DCT: variants seen among roughly 807,000 people sequenced by gnomAD.
DCT encodes dopachrome tautomerase.
Under a neutral mutation model 53.0 loss-of-function variants are expected in DCT, and 47 were observed. The ratio of observed to expected loss-of-function variants is 0.89; its 90% CI spans 0.70 to 1.13. The LOEUF (loss-of-function observed/expected upper bound fraction) is 1.13. Ranked by LOEUF, DCT falls within the 50% of genes most tolerant of loss-of-function variation. The pLI, the probability that DCT is intolerant of heterozygous loss-of-function variation, is 0.00. For synonymous variants in DCT, 244 were observed against 237.0 expected (o/e 1.03, Z -0.27); for missense variants, 669 against 637.4 (o/e 1.05, Z -0.53).
At chr13:94,463,773 CCAGTATGTGAGAATATAATCAG>C (rs1214021335) in intron 4 of DCT, among the ~76,000 whole-genome samples, 1 of 151,964 alleles carries the variant, frequency 6.6e-6, no homozygotes, top group Non-Finnish European at 1.5e-5. Flanking sequence ...GGGATAGGAC[CCAGTATGTGAGAATATAATCAG>C]CACATCCACA....
the DCT span, among the ~76,000 whole-genome samples, chr13:94,508,588 A>T: frequency 6.6e-6 from 1 of 152,188 alleles, no homozygotes; most frequent in South Asian, 2.1e-4. Context: ...ATGTGTTTCA[A>T]ATTAGAGAAG....
chr13:94,455,381 T>TAGAGAGAGAGAG (rs56301019), intron 6 of DCT, among the ~76,000 whole-genome samples: 9,884 of 141,590 alleles, frequency 0.07, 457 homozygotes, highest in African/African-American at 0.12. Context: ...GACTGTCTCT[T>TAGAGAGAGAGAG]AGAGAGAGAG....
the DCT span, among the ~76,000 whole-genome samples, chr13:94,485,472 A>G: frequency 2.5e-3 from 387 of 152,314 alleles, 4 homozygotes; most frequent in African/African-American, 8.8e-3. Context: ...CCTGGTCTTA[A>G]AAGAAAAGCC....
chr13:94,460,369 T>C (rs1883704195), intron 5 of DCT, 143 bp from the exon 6 acceptor site: 2 of 707,652 alleles, frequency 2.8e-6, no homozygotes, highest in South Asian at 4.0e-5. Context: ...TGACCAAGAA[T>C]TTGCCCCAAA....
At chr13:94,494,375 A>G in the DCT span, among the ~76,000 whole-genome samples, 88 of 152,256 alleles carry the variant, frequency 5.8e-4, no homozygotes, top group African/African-American at 2.0e-3. Flanking sequence ...TTTAGGTGTA[A>G]TCAGCCTCAC....
At chr13:94,505,315 C>G in the DCT span, among the ~76,000 whole-genome samples, 3 of 151,940 alleles carry the variant, frequency 2.0e-5, no homozygotes, top group Non-Finnish European at 4.4e-5. Context: ...TCTCTTTCAG[C>G]TTCAAAAATT....
intron 6 of DCT, chr13:94,445,706 G>A (rs1005361244): frequency 1.3e-6 from 2 of 1,573,176 alleles, no homozygotes; most frequent in South Asian, 2.3e-5. Context: ...GAGCCTCCCA[G>A]GCTCATGGTT....
At chr13:94,533,605 T>A in the DCT span, among the ~76,000 whole-genome samples, 4 of 152,108 alleles carry the variant, frequency 2.6e-5, no homozygotes, top group Admixed American at 2.6e-4. Context: ...GCCAACATAG[T>A]GAAACCCTGT....
the DCT span, among the ~76,000 whole-genome samples, chr13:94,518,703 G>T: frequency 1.3e-5 from 2 of 152,038 alleles, no homozygotes; most frequent in East Asian, 3.9e-4. Context: ...TCCTCCTGTT[G>T]GTTCATTTGT....
At position 94,460,376 on chromosome 13, in the gene DCT, C is replaced by T. The variant is rs1883704381; in HGVS notation, c.1044-150G>A. On this transcript the variant is annotated intron_variant, in intron 5 of 7. Coordinates refer to ENST00000377028, the MANE Select transcript of DCT (RefSeq NM_001922.5). ...TAGCAAATTGACCAAGAATTTGCCCCAAACTTTAATGATAATCCTCTGTAA... is the reference window on the plus strand; with the variant it reads ...TAGCAAATTGACCAAGAATTTGCCCTAAACTTTAATGATAATCCTCTGTAA... 7.4e-6 allele frequency: 5 copies of T among 678,002 alleles called. No homozygotes were observed. The South Asian group carries it at 1.0e-4, about 14-fold the overall frequency. The allele number at this position is 678,002 out of a possible 1,614,324, so 42.0% of individuals were successfully genotyped here.
intron 6 of DCT, among the ~76,000 whole-genome samples, chr13:94,456,108 A>G (rs1883397543): frequency 6.6e-6 from 1 of 152,234 alleles, no homozygotes; most frequent in Non-Finnish European, 1.5e-5. Context: ...AGAAAAGCAA[A>G]GATCGCTGTG....
intron 5 of DCT, among the ~76,000 whole-genome samples, chr13:94,460,943 T>C (rs924759031): frequency 3.9e-5 from 6 of 152,030 alleles, no homozygotes; most frequent in African/African-American, 1.4e-4. Flanking sequence ...AGTAGACAAT[T>C]TGTATGGGCC....
the DCT span, among the ~76,000 whole-genome samples, chr13:94,537,265 G>T: frequency 6.6e-6 from 1 of 152,232 alleles, no homozygotes; most frequent in Admixed American, 6.5e-5. Context: ...CATCTGAAAG[G>T]TTTCCCAAAT....
chr13:94,459,035 C>T (rs937082187), intron 6 of DCT, among the ~76,000 whole-genome samples: 7 of 149,914 alleles, frequency 4.7e-5, no homozygotes, highest in Non-Finnish European at 8.9e-5. Flanking sequence ...TGCTACCATG[C>T]CCAGCTAATT....
At chr13:94,502,355 T>G in the DCT span, among the ~76,000 whole-genome samples, 1 of 152,196 alleles carries the variant, frequency 6.6e-6, no homozygotes, top group Non-Finnish European at 1.5e-5. Flanking sequence ...CTGTTGCCTC[T>G]GCCATTTCCA....
chr13:94,542,206 T>G, the DCT span, among the ~76,000 whole-genome samples: 1 of 152,224 alleles, frequency 6.6e-6, no homozygotes, highest in Non-Finnish European at 1.5e-5. Flanking sequence ...TCTCTTTTTT[T>G]GAGACAGGGT....
chr13:94,483,979 A>G (rs1317352775), upstream of DCT, among the ~76,000 whole-genome samples: 1 of 152,140 alleles, frequency 6.6e-6, no homozygotes, highest in African/African-American at 2.4e-5. Flanking sequence ...CAGTCACATC[A>G]CCTCATCAAT....
At chr13:94,508,025 TTAC>T in the DCT span, among the ~76,000 whole-genome samples, 1 of 152,202 alleles carries the variant, frequency 6.6e-6, no homozygotes, top group Non-Finnish European at 1.5e-5. Flanking sequence ...TTTACATTGT[TTAC>T]TATGGCATAC....
At chr13:94,481,638 T>A (rs940430717), upstream of DCT, among the ~76,000 whole-genome samples, 3 of 152,210 alleles carry the variant, frequency 2.0e-5, no homozygotes, top group African/African-American at 7.2e-5. Flanking sequence ...ACTCAGCTAG[T>A]CTGAGGCCTT....
Sources: allele counts gnomAD v4.1 joint callset (sites outside exome capture counted in the v4.1 genomes callset), GRCh38; gene constraint gnomAD v4.1.1; transcripts MANE v1.5; gene names NCBI Gene and HGNC (gene_info 2026-07-23, HGNC 2026-07-21).